The following ESRRG variants were observed in gnomAD, a reference collection of about 807,000 sequenced individuals.
ESRRG encodes estrogen-related receptor gamma.
A neutral mutation model predicts 44.0 loss-of-function variants in ESRRG; 13 were observed. The observed-to-expected ratio is 0.30, with a 90% CI of 0.19 to 0.47. The LOEUF is 0.47. ESRRG is among the 20% of genes least tolerant of loss of function. The pLI, the probability that ESRRG is intolerant of heterozygous loss-of-function variation, is 1.00. For synonymous variants in ESRRG, 215 were observed against 214.6 expected (o/e 1.00, Z -0.02); for missense variants, 395 against 580.6 (o/e 0.68, Z 3.29).
At chr1:216,544,029 T>C (rs1191629975) in intron 5 of ESRRG, among the ~76,000 whole-genome samples, 1 of 152,024 alleles carries the variant, frequency 6.6e-6, no homozygotes, top group East Asian at 1.9e-4. Context: ...CTGTGTGCAC[T>C]TGGAAATAAA....
chr1:216,895,886 A>G (rs946495950), intron 2 of ESRRG, among the ~76,000 whole-genome samples: 1 of 152,188 alleles, frequency 6.6e-6, no homozygotes, highest in Non-Finnish European at 1.5e-5. Context: ...AGTGAGTTCA[A>G]ATGGAAATCA....
chr1:216,962,440 A>G (rs1213496156), intron 1 of ESRRG, among the ~76,000 whole-genome samples: 3 of 152,154 alleles, frequency 2.0e-5, no homozygotes, highest in Admixed American at 2.0e-4. Context: ...ACGTGTTCCC[A>G]CTTGAAAGCA....
intron 2 of ESRRG, among the ~76,000 whole-genome samples, chr1:216,908,030 G>A (rs1022408512): frequency 6.6e-6 from 1 of 152,156 alleles, no homozygotes; most frequent in Non-Finnish European, 1.5e-5. Context: ...TTATTAAAAG[G>A]CTCACCATTA....
At chr1:216,888,573 A>C (rs976308563) in intron 2 of ESRRG, among the ~76,000 whole-genome samples, 1 of 152,044 alleles carries the variant, frequency 6.6e-6, no homozygotes, top group Non-Finnish European at 1.5e-5. Context: ...ACCTTTCTCC[A>C]TTTTACCTAC....
At chr1:216,594,010 G>A (rs1329444668) in intron 3 of ESRRG, among the ~76,000 whole-genome samples, 1 of 152,144 alleles carries the variant, frequency 6.6e-6, no homozygotes, top group African/African-American at 2.4e-5. Flanking sequence ...TGGGATTATA[G>A]GCATGAGTGA....
intron 2 of ESRRG, among the ~76,000 whole-genome samples, chr1:216,828,681 C>T (rs1048596346): frequency 1.3e-5 from 2 of 152,148 alleles, no homozygotes; most frequent in Admixed American, 6.5e-5. Context: ...CCCCAAAGAA[C>T]AACTTGTCAT....
intron 3 of ESRRG, among the ~76,000 whole-genome samples, chr1:216,606,713 T>C (rs1352516622): frequency 6.6e-6 from 1 of 152,188 alleles, no homozygotes; most frequent in African/African-American, 2.4e-5. Context: ...AAAGCAATGG[T>C]GTATTTAGCT....
intron 2 of ESRRG, among the ~76,000 whole-genome samples, chr1:216,745,325 A>G (rs1008633183): frequency 6.7e-5 from 10 of 149,034 alleles, no homozygotes; most frequent in Non-Finnish European, 1.5e-4. Context: ...ATGCACACCT[A>G]TGTGGTTTGT....
At chr1:216,608,933 A>C (rs1331393476) in intron 3 of ESRRG, among the ~76,000 whole-genome samples, 1 of 152,244 alleles carries the variant, frequency 6.6e-6, no homozygotes. Context: ...AGATGTACAA[A>C]TAAATGACAT....
intron 3 of ESRRG, among the ~76,000 whole-genome samples, chr1:216,582,175 T>A (rs919516287): frequency 6.6e-6 from 1 of 152,204 alleles, no homozygotes; most frequent in African/African-American, 2.4e-5. Flanking sequence ...ATAAAATACA[T>A]GTGTTTTCAT....
intron 2 of ESRRG, among the ~76,000 whole-genome samples, chr1:216,824,585 A>G (rs2095359753): frequency 6.6e-6 from 1 of 152,188 alleles, no homozygotes; most frequent in Non-Finnish European, 1.5e-5. Context: ...AAATTCTCCA[A>G]CATACTAAGT....
intron 2 of ESRRG, among the ~76,000 whole-genome samples, chr1:216,887,153 A>G (rs1183008571): frequency 1.3e-5 from 2 of 152,154 alleles, no homozygotes; most frequent in Admixed American, 6.5e-5. Context: ...TAATTTGTCC[A>G]CAGTCATTAA....
At chr1:216,636,773 G>T (rs539132421) in intron 3 of ESRRG, among the ~76,000 whole-genome samples, 1 of 152,300 alleles carries the variant, frequency 6.6e-6, no homozygotes, top group Non-Finnish European at 1.5e-5. Context: ...AGCATTACTT[G>T]TAAAAGCTGG....
chr1:216,814,272 G>A (rs551851033), intron 2 of ESRRG, among the ~76,000 whole-genome samples: 6 of 152,288 alleles, frequency 3.9e-5, no homozygotes, highest in African/African-American at 9.6e-5. Context: ...TGCTTATTTA[G>A]TATTTATTTT....
intron 1 of ESRRG, among the ~76,000 whole-genome samples, 200 bp downstream of exon 1, chr1:216,723,044 T>G (rs1222536684): frequency 6.6e-6 from 1 of 152,102 alleles, no homozygotes; most frequent in Admixed American, 6.5e-5. Flanking sequence ...AAGGTAACAT[T>G]GTAGTCAGAG....
intron 3 of ESRRG, among the ~76,000 whole-genome samples, chr1:216,590,179 T>C (rs1558679818): frequency 6.6e-6 from 1 of 152,040 alleles, no homozygotes; most frequent in Non-Finnish European, 1.5e-5. Flanking sequence ...TTGTTGATTA[T>C]TAATAATATG....
chr1:217,049,522 T>G (rs1200237093), intron 1 of ESRRG, among the ~76,000 whole-genome samples: 2 of 152,158 alleles, frequency 1.3e-5, no homozygotes, highest in Non-Finnish European at 2.9e-5. Context: ...GGGGAGAAAC[T>G]GTTGAATTTG....
chr1:217,051,769 C>T (rs1378775656), intron 1 of ESRRG, among the ~76,000 whole-genome samples: 4 of 152,092 alleles, frequency 2.6e-5, no homozygotes, highest in Non-Finnish European at 5.9e-5. Context: ...CATCCCCATA[C>T]TCCTTTTTTT....
intron 1 of ESRRG, among the ~76,000 whole-genome samples, chr1:217,022,305 A>C (rs1309441284): frequency 6.6e-6 from 1 of 152,152 alleles, no homozygotes; most frequent in Non-Finnish European, 1.5e-5. Flanking sequence ...AGACCCTGCC[A>C]AAAAAATGGT....
Sources: gnomAD v4.1 joint callset for allele counts (sites outside exome capture counted in the v4.1 genomes callset) on GRCh38, gnomAD v4.1.1 for gene constraint, MANE v1.5 for transcripts, NCBI Gene and HGNC (gene_info 2026-07-23, HGNC 2026-07-21) for gene names.